LCLAT1: variants seen among roughly 807,000 people sequenced by gnomAD.
LCLAT1 encodes 1-AGP acyltransferase 8.
Under a neutral mutation model 30.7 loss-of-function variants are expected in LCLAT1, and 11 were observed. That is an observed-to-expected ratio of 0.36 (90% CI 0.23 to 0.59). LCLAT1 has a LOEUF of 0.59. LCLAT1 is among the 20% of genes least tolerant of loss of function. The pLI, the probability that LCLAT1 is intolerant of heterozygous loss-of-function variation, is 0.77. For missense variants in LCLAT1, 402 were observed against 458.6 expected (o/e 0.88, Z 1.13); for synonymous variants, 155 against 151.3 (o/e 1.02, Z -0.18).
intron 5 of LCLAT1, among the ~76,000 whole-genome samples, chr2:30,596,490 GT>G (rs1192714768): frequency 1.8e-4 from 26 of 147,848 alleles, no homozygotes; most frequent in Admixed American, 9.5e-4. Context: ...TAATGGGGTT[GT>G]TTTTTTTTTC....
intron 5 of LCLAT1, among the ~76,000 whole-genome samples, chr2:30,580,663 TG>T: frequency 6.6e-6 from 1 of 152,240 alleles, no homozygotes; most frequent in African/African-American, 2.4e-5. Flanking sequence ...GAAGAACAGC[TG>T]AACGTGAAAG....
Position 30,564,919 on chromosome 2 carries a change from T to G in LCLAT1, c.511+2627T>G, listed in dbSNP as rs1045824258. The stretch of plus-strand genomic sequence containing the variant: ...TTTTAATGGAAGCAATATATGTTAA[T>G]TTGGGAAAATTTGGAAACATAGAAG... On this transcript the variant is annotated intron_variant, in intron 4 of 5. Coordinates refer to ENST00000379509, the MANE Select transcript of LCLAT1 (RefSeq NM_001002257.3). 2.0e-5 allele frequency among the ~76,000 whole-genome samples: 3 copies of G among 152,308 alleles called. No homozygotes were observed. In the East Asian group the frequency reaches 5.8e-4, roughly 29 times the overall value.
chr2:30,451,967 A>G (rs1681574630), intron 1 of LCLAT1, among the ~76,000 whole-genome samples: 1 of 152,262 alleles, frequency 6.6e-6, no homozygotes, highest in Non-Finnish European at 1.5e-5. Context: ...TTACAGACAT[A>G]AGTCAGACAT....
chr2:30,552,067 T>G (rs532466184), intron 3 of LCLAT1, among the ~76,000 whole-genome samples: 1 of 152,322 alleles, frequency 6.6e-6, no homozygotes, highest in Admixed American at 6.5e-5. Flanking sequence ...GCCTACCATA[T>G]GTTAATTGCT....
intron 1 of LCLAT1, among the ~76,000 whole-genome samples, chr2:30,447,710 A>G (rs1209537607): frequency 6.6e-6 from 1 of 152,234 alleles, no homozygotes; most frequent in African/African-American, 2.4e-5. Context: ...TGTTTACGCT[A>G]GGAGCGTCAA....
chr2:30,562,369 A>G (rs1665270872), intron 4 of LCLAT1, 77 bp downstream of exon 4: 2 of 1,183,262 alleles, frequency 1.7e-6, no homozygotes, highest in Non-Finnish European at 2.4e-6. Flanking sequence ...GTAACTGAAC[A>G]CCAACAAGAA....
intron 1 of LCLAT1, among the ~76,000 whole-genome samples, chr2:30,504,907 T>G (rs533009843): frequency 3.9e-5 from 6 of 152,318 alleles, no homozygotes; most frequent in African/African-American, 1.4e-4. Context: ...ATAAACCATA[T>G]GGCATTAAGC....
At chr2:30,467,333 T>G (rs201290903) in intron 1 of LCLAT1, among the ~76,000 whole-genome samples, 1 of 146,188 alleles carries the variant, frequency 6.8e-6, no homozygotes, top group Admixed American at 6.9e-5. Context: ...TTAATCCAGT[T>G]TATCATTGAT....
chr2:30,523,775 G>A lies in LCLAT1; in HGVS notation c.-4-1812G>A, dbSNP rs144166448. On this transcript the variant is annotated intron_variant, in intron 1 of 5. Coordinates refer to ENST00000379509, the MANE Select transcript of LCLAT1 (RefSeq NM_001002257.3). ...CCTGGCTACTCCGGAGGCTGAGGCA[G>A]GAGAATCGCTTGAACCCGGGAGGCA... is the stretch of plus-strand genomic sequence containing the variant. 3.7e-3 allele frequency among the ~76,000 whole-genome samples: 566 copies of A among 152,334 alleles called. 1 individual carries two copies. Among genetic ancestry groups the A allele is most frequent in the Non-Finnish European group, 6.5e-3 (439 of 68,024 alleles).
intron 5 of LCLAT1, among the ~76,000 whole-genome samples, chr2:30,633,700 A>G (rs1245561798): frequency 6.6e-6 from 1 of 152,232 alleles, no homozygotes; most frequent in African/African-American, 2.4e-5. Context: ...AAATAAATAA[A>G]TAAAATAAGT....
intron 5 of LCLAT1, among the ~76,000 whole-genome samples, chr2:30,611,065 C>G (rs975175441): frequency 6.7e-6 from 1 of 149,852 alleles, no homozygotes; most frequent in African/African-American, 2.4e-5. Flanking sequence ...GGCTTCACCA[C>G]TGCTCTTCTA....
At chr2:30,625,937 G>A (rs1357537882) in intron 5 of LCLAT1, among the ~76,000 whole-genome samples, 2 of 152,162 alleles carry the variant, frequency 1.3e-5, no homozygotes, top group Non-Finnish European at 2.9e-5. Context: ...ATACTTAAAA[G>A]TGACTGTGTG....
chr2:30,494,303 G>A (rs1459158370), intron 1 of LCLAT1, among the ~76,000 whole-genome samples: 1 of 152,112 alleles, frequency 6.6e-6, no homozygotes, highest in Admixed American at 6.6e-5. Context: ...AAGTTTAGCA[G>A]AACTCTTCCA....
chr2:30,480,760 G>A (rs1683279717), intron 1 of LCLAT1, among the ~76,000 whole-genome samples: 1 of 152,070 alleles, frequency 6.6e-6, no homozygotes, highest in African/African-American at 2.4e-5. Flanking sequence ...TCTGGGGTTG[G>A]GGAAAATTCG....
chr2:30,555,829 TTTTC>T (rs1338358299), intron 3 of LCLAT1, among the ~76,000 whole-genome samples: 1 of 120,228 alleles, frequency 8.3e-6, no homozygotes, highest in East Asian at 2.6e-4. Flanking sequence ...CTATTTCTTT[TTTTC>T]TTTTTCTTTT....
In LCLAT1 at chr2:30,555,795, A is replaced by T. The variant is rs182834961; in HGVS notation, c.365-6351A>T. Reference sequence around the variant, plus strand: ...AGAAAATGGGGTATACAATTTCCAAACTACTACAATAGGGGTCAACAAACT... The same window carrying T: ...AGAAAATGGGGTATACAATTTCCAATCTACTACAATAGGGGTCAACAAACT... On this transcript the variant is annotated intron_variant, in intron 3 of 5. Transcript: ENST00000379509. 5.2e-3 allele frequency among the ~76,000 whole-genome samples: 784 copies of T among 151,828 alleles called. 4 individuals carry two copies. The highest frequency in any genetic ancestry group is 0.014 in the Middle Eastern group (4 of 294).
chr2:30,550,924 A>G (rs1303939343), intron 3 of LCLAT1, among the ~76,000 whole-genome samples: 1 of 152,146 alleles, frequency 6.6e-6, no homozygotes, highest in African/African-American at 2.4e-5. Context: ...TTTTTAGATT[A>G]TAATCTGGTA....
rs74356681 is a variant in LCLAT1 at position 30,498,515 on chromosome 2, A to G, written c.-4-27072A>G. The stretch of plus-strand genomic sequence containing the variant: ...AGAGTAAGCATTTCCATTGAAGGAC[A>G]TGGGCTCTTTCTTATCTGGGGCCTG... On this transcript the variant is annotated intron_variant, in intron 1 of 5. Transcript: ENST00000379509. 4.1e-4 allele frequency among the ~76,000 whole-genome samples: 62 copies of G among 152,320 alleles called. No individual in the cohort carries two copies. The East Asian group carries it at 0.01, about 26-fold the overall frequency.
intron 5 of LCLAT1, among the ~76,000 whole-genome samples, chr2:30,577,681 AACAG>A (rs996608634): frequency 5.9e-5 from 9 of 152,300 alleles, no homozygotes; most frequent in Admixed American, 5.9e-4. Flanking sequence ...ATAATACACT[AACAG>A]ACAGTAATCT....
Sources: allele counts gnomAD v4.1 joint callset (sites outside exome capture counted in the v4.1 genomes callset), GRCh38; gene constraint gnomAD v4.1.1; transcripts MANE v1.5; gene names NCBI Gene and HGNC (gene_info 2026-07-23, HGNC 2026-07-21).